Variants in IMMP2L observed in about 807,000 individuals in gnomAD.
IMMP2L encodes mitochondrial inner membrane protease subunit 2.
In IMMP2L, 18 loss-of-function variants were observed where a neutral mutation model predicts 19.3. The ratio of observed to expected loss-of-function variants is 0.93; its 90% confidence interval spans 0.64 to 1.38. The LOEUF (loss-of-function observed/expected upper bound fraction) is 1.38, where lower values mean the gene tolerates loss of function less well. IMMP2L is among the 40% of genes most tolerant of loss of function. IMMP2L has a pLI of 0.00. For synonymous variants in IMMP2L, 76 were observed against 73.0 expected, an observed-to-expected ratio of 1.04 and a Z score of -0.21; for missense variants, 233 against 218.2, an observed-to-expected ratio of 1.07 and a Z score of -0.43.
intron 3 of IMMP2L, among the ~76,000 whole-genome samples, chr7:111,141,596 T>C (rs1802900392): frequency 6.6e-6 from 1 of 152,148 alleles, no homozygotes; most frequent in African/African-American, 2.4e-5. Context: ...TACTATAGTA[T>C]CCTTCCCATC....
At chr7:111,204,864 T>C (rs745554945) in intron 3 of IMMP2L, among the ~76,000 whole-genome samples, 15 of 152,212 alleles carry the variant, frequency 9.9e-5, no homozygotes, top group South Asian at 2.1e-4. Context: ...TGGGAGTATA[T>C]TGGGATGTAA....
chr7:110,898,545 A>T (rs1322346638), intron 4 of IMMP2L, among the ~76,000 whole-genome samples: 1 of 152,192 alleles, frequency 6.6e-6, no homozygotes, highest in Non-Finnish European at 1.5e-5. Flanking sequence ...AAGTCTAAAA[A>T]GTTTGCTATT....
chr7:110,827,900 T>C (rs1263254036), intron 5 of IMMP2L, among the ~76,000 whole-genome samples: 2 of 152,148 alleles, frequency 1.3e-5, no homozygotes, highest in Non-Finnish European at 2.9e-5. Flanking sequence ...AAATATGTAC[T>C]GATCCTTCTG....
chr7:110,737,010 A>G (rs561151231), intron 5 of IMMP2L, among the ~76,000 whole-genome samples: 1 of 152,310 alleles, frequency 6.6e-6, no homozygotes, highest in South Asian at 2.1e-4. Flanking sequence ...TGTTTGTGGC[A>G]GTCCAAAATT....
chr7:110,944,047 T>C (rs1816993479), intron 4 of IMMP2L, among the ~76,000 whole-genome samples: 1 of 152,020 alleles, frequency 6.6e-6, no homozygotes, highest in East Asian at 1.9e-4. Flanking sequence ...CACAGAGTGA[T>C]ACTCAGGATT....
In IMMP2L at chr7:111,242,501, G is replaced by C. The variant is rs949863444; in HGVS notation, c.239+244737C>G. Among the ~76,000 whole-genome samples the C allele has an allele frequency of 3.9e-5, 6 of 152,044 alleles. No homozygotes were observed. In the South Asian group the frequency reaches 1.2e-3, roughly 32 times the overall value. Reference sequence around the variant, plus strand: ...CAGTTAAAGGAACAGTGGGAAAGCAGTTTTTGGAGTGGGGAAAAAAATCCA... The same window carrying C: ...CAGTTAAAGGAACAGTGGGAAAGCACTTTTTGGAGTGGGGAAAAAAATCCA... On this transcript the variant is annotated intron_variant, in intron 3 of 5. Coordinates refer to ENST00000405709, the MANE Select transcript of IMMP2L (RefSeq NM_032549.4).
chr7:110,937,272 C>T (rs1183239609), intron 4 of IMMP2L, among the ~76,000 whole-genome samples: 1 of 152,078 alleles, frequency 6.6e-6, no homozygotes, highest in Non-Finnish European at 1.5e-5. Context: ...TGTCATGTGA[C>T]TAGAGATAAA....
chr7:110,706,253 C>T (rs1794672545), intron 5 of IMMP2L, among the ~76,000 whole-genome samples: 1 of 152,060 alleles, frequency 6.6e-6, no homozygotes, highest in African/African-American at 2.4e-5. Flanking sequence ...TGAGCATGTG[C>T]CACCATGCCC....
chr7:111,513,216 T>A (rs894173173), intron 2 of IMMP2L, among the ~76,000 whole-genome samples: 1 of 152,044 alleles, frequency 6.6e-6, no homozygotes, highest in African/African-American at 2.4e-5. Flanking sequence ...AAACCATATA[T>A]CTAATAAGGG....
intron 4 of IMMP2L, among the ~76,000 whole-genome samples, chr7:110,916,099 C>A (rs1813586748): frequency 6.6e-6 from 1 of 152,010 alleles, no homozygotes; most frequent in Admixed American, 6.6e-5. Context: ...AGTTTTTGGG[C>A]TAATCAATTA....
chr7:111,350,031 G>A (rs1420749836), intron 3 of IMMP2L, among the ~76,000 whole-genome samples: 5 of 150,746 alleles, frequency 3.3e-5, no homozygotes, highest in South Asian at 2.1e-4. Context: ...GCAGTGGTGC[G>A]ATCTCAGCTC....
At chr7:111,272,422 C>T (rs1241064998) in intron 3 of IMMP2L, among the ~76,000 whole-genome samples, 3 of 152,110 alleles carry the variant, frequency 2.0e-5, no homozygotes, top group Non-Finnish European at 4.4e-5. Flanking sequence ...TCTCAAAAGG[C>T]ACTGTACACT....
intron 3 of IMMP2L, among the ~76,000 whole-genome samples, chr7:111,477,674 A>T (rs1370876479): frequency 6.6e-6 from 1 of 152,016 alleles, no homozygotes; most frequent in Non-Finnish European, 1.5e-5. Context: ...CGAGGCAGGC[A>T]GATCACCTGA....
chr7:110,994,133 C>CTTTTTTTTTT (rs532276576), intron 3 of IMMP2L, among the ~76,000 whole-genome samples: 2 of 149,350 alleles, frequency 1.3e-5, no homozygotes, highest in African/African-American at 4.9e-5. Context: ...TACTCTCTCT[C>CTTTTTTTTTT]TTTTTTTTTT....
chr7:110,910,111 G>A (rs1192702697), intron 4 of IMMP2L, among the ~76,000 whole-genome samples: 1 of 152,124 alleles, frequency 6.6e-6, no homozygotes, highest in East Asian at 1.9e-4. Context: ...AGCAAACCAG[G>A]CATGAAAACA....
chr7:110,953,659 T>C (rs905049816), intron 4 of IMMP2L, among the ~76,000 whole-genome samples: 5 of 152,162 alleles, frequency 3.3e-5, no homozygotes, highest in African/African-American at 1.2e-4. Context: ...AGTAGAATGA[T>C]CCATAATCCT....
chr7:111,323,419 T>C (rs1003852401), intron 3 of IMMP2L, among the ~76,000 whole-genome samples: 2 of 151,960 alleles, frequency 1.3e-5, no homozygotes, highest in African/African-American at 4.8e-5. Context: ...ATCAGAGAAA[T>C]GCAAATCAAA....
At chr7:111,118,294 A>C (rs1170082821) in intron 3 of IMMP2L, among the ~76,000 whole-genome samples, 1 of 152,162 alleles carries the variant, frequency 6.6e-6, no homozygotes, top group Non-Finnish European at 1.5e-5. Flanking sequence ...ATGATGAAAA[A>C]CAGATAAAGA....
chr7:110,929,981 A>T (rs968439055), intron 4 of IMMP2L, among the ~76,000 whole-genome samples: 1 of 152,166 alleles, frequency 6.6e-6, no homozygotes, highest in Non-Finnish European at 1.5e-5. Flanking sequence ...CAAGAGACAA[A>T]TTTATCAGAG....
Sources: gnomAD v4.1 joint callset for allele counts (sites outside exome capture counted in the v4.1 genomes callset) on GRCh38, gnomAD v4.1.1 for gene constraint, MANE v1.5 for transcripts, NCBI Gene and HGNC (gene_info 2026-07-23, HGNC 2026-07-21) for gene names.